OGFOD2: variants seen among roughly 807,000 people sequenced by gnomAD.
OGFOD2 encodes the protein 2-oxoglutarate and iron-dependent oxygenase domain-containing protein 2.
A neutral mutation model predicts 31.1 loss-of-function variants in OGFOD2; 34 were observed. The ratio of observed to expected loss-of-function variants is 1.09; its 90% confidence interval spans 0.83 to 1.45. The LOEUF (loss-of-function observed/expected upper bound fraction) is 1.45, where lower values mean the gene tolerates loss of function less well. Among genes scored for constraint, OGFOD2 ranks in the 40% most tolerant of loss-of-function variants. The probability of loss-of-function intolerance (pLI) is 0.00; values close to 1 mark genes in which losing one functional copy is unlikely to be tolerated. For missense variants in OGFOD2, 537 were observed against 433.9 expected, an observed-to-expected ratio of 1.24 and a Z score of -2.11; for synonymous variants, 240 against 192.3, an observed-to-expected ratio of 1.25 and a Z score of -2.05.
exon 7 of OGFOD2, chr12:122,979,502 C>G (rs1184898906): frequency 2.1e-6 from 2 of 966,230 alleles, no homozygotes; most frequent in African/African-American, 3.3e-5. Flanking sequence ...TGCCTTAGTT[C>G]AGGTTTGTCA....
upstream of OGFOD2, chr12:122,975,161 G>A (rs1289181643): frequency 2.3e-5 from 11 of 488,256 alleles, no homozygotes; most frequent in Admixed American, 3.5e-5. Context: ...AACTTAGAGC[G>A]GCCCCTTGGC....
chr12:122,977,157 C>A, intron 4 of OGFOD2, 187 bp downstream of exon 4: 1 of 657,756 alleles, frequency 1.5e-6, no homozygotes. Flanking sequence ...CAATACCTGC[C>A]ATGAGCCTGG....
intron 4 of OGFOD2, chr12:122,978,127 G>A (rs942604899): frequency 8.2e-6 from 2 of 243,762 alleles, no homozygotes; most frequent in Non-Finnish European, 1.7e-5. Flanking sequence ...CTGTGATCCC[G>A]ACTTGGCTGT....
intron 4 of OGFOD2, 131 bp from the exon 5 acceptor site, chr12:122,978,309 TAA>T: frequency 8.9e-7 from 1 of 1,127,722 alleles, no homozygotes; most frequent in South Asian, 1.5e-5. Flanking sequence ...GTTACTTCCT[TAA>T]GTCATCACAA....
exon 1 of OGFOD2, chr12:122,975,280 T>C: frequency 1.4e-6 from 1 of 693,228 alleles, no homozygotes; most frequent in Non-Finnish European, 2.6e-6. Context: ...CCGCGGCACT[T>C]CTGCCGCTGC....
chr12:122,979,154 C>G (rs1294290280), exon 7 of OGFOD2: 1 of 1,609,842 alleles, frequency 6.2e-7, no homozygotes, highest in East Asian at 2.2e-5. Flanking sequence ...ACCGTGGCGG[C>G]CAGCTGCATG....
chr12:122,979,235 C>T (rs1381871786), exon 7 of OGFOD2: 16 of 1,612,872 alleles, frequency 9.9e-6, no homozygotes, highest in Non-Finnish European at 1.3e-5. Flanking sequence ...CTGTGCGCAA[C>T]AGCCTCTGTC....
At position 122,976,694 on chromosome 12, in the gene OGFOD2, A is replaced by G. The variant is rs762218690; in HGVS notation, c.230A>G (p.Glu77Gly). ...GAGCGGCGGCAGCGGCTGGGGCAGG[A>G]GTCAGCAGCTAGGAAAGCCCTCATC... is the stretch of plus-strand genomic sequence containing the variant. Residue 77 changes from glutamate to glycine, a missense_variant, in exon 3 of 7, where the codon GAG becomes GGG. Glu to Gly is a moderately conservative substitution (Grantham distance 98). Transcript: ENST00000228922. 2.5e-6 allele frequency: 4 copies of G among 1,613,502 alleles called. No homozygotes were observed. In the Admixed American group the frequency reaches 6.7e-5, roughly 27 times the overall value.
At chr12:122,978,258 A>C (rs1269115998) in intron 4 of OGFOD2, 184 bp from the exon 5 acceptor site, 19 of 668,594 alleles carry the variant, frequency 2.8e-5, no homozygotes, top group Non-Finnish European at 4.2e-5. Flanking sequence ...GGTTCCGGGC[A>C]TAAGTGGGGG....
upstream of OGFOD2, chr12:122,975,099 T>G (rs531825907): frequency 4.0e-6 from 2 of 499,278 alleles, no homozygotes; most frequent in Non-Finnish European, 7.2e-6. Flanking sequence ...AGCATCTTTC[T>G]CCGCAGACCG....
rs374011133 is a variant in OGFOD2, at chr12:122,979,205, C to T, written c.912C>T (p.Val304=). 2.6e-5 allele frequency: 42 copies of T among 1,612,070 alleles called. No homozygotes were observed. In the Admixed American group the frequency reaches 2.7e-4, roughly 10 times the overall value. ...GCACTGGTGAGCGTTGGAACCTTGT[C>T]GTCTGGCTCCGAGCCTCTGCTGTGC... The change falls in exon 7 of 7, where the codon GTC becomes GTT. Residue 304 remains valine (V), a synonymous_variant. Coordinates refer to ENST00000228922, the Ensembl canonical transcript of OGFOD2.
At chr12:122,979,321 C>A (rs201145539) in exon 7 of OGFOD2, 3 of 1,611,350 alleles carry the variant, frequency 1.9e-6, no homozygotes, top group Admixed American at 1.7e-5. Context: ...GAGCCCGCCA[C>A]GGTGGATGTA....
At chr12:122,976,758 C>G (rs762324429) in exon 3 of OGFOD2, 1 of 1,613,110 alleles carries the variant, frequency 6.2e-7, no homozygotes. Context: ...AGGTCTACGA[C>G]TCACTGCAGG....
upstream of OGFOD2, chr12:122,975,156 A>G: frequency 2.0e-6 from 1 of 495,614 alleles, no homozygotes; most frequent in African/African-American, 1.9e-5. Flanking sequence ...TTGGGAACTT[A>G]GAGCGGCCCC....
exon 1 of OGFOD2, chr12:122,975,382 C>A (rs1292327475): frequency 7.2e-6 from 5 of 698,586 alleles, no homozygotes; most frequent in Non-Finnish European, 1.3e-5. Context: ...GACTACGGCC[C>A]GGTGAGTGGC....
chr12:122,978,765 G>C, exon 6 of OGFOD2: 1 of 1,608,018 alleles, frequency 6.2e-7, no homozygotes. Context: ...GCTGCTGCAC[G>C]AGCTCGGGCT....
At chr12:122,978,699 G>A (rs2037507968) in intron 5 of OGFOD2, 54 bp from the exon 6 acceptor site, 3 of 1,588,220 alleles carry the variant, frequency 1.9e-6, no homozygotes, top group African/African-American at 1.3e-5. Flanking sequence ...TGGAGTGGAA[G>A]CCCAGGGTTG....
At position 122,978,898 on chromosome 12, in the gene OGFOD2, C is replaced by CG. The variant is rs780408081; in HGVS notation, c.680dup (p.Gln228ProfsTer10). ...CGGGCCTTTGTGGTCAAATACGCAC[C>CG]GGGCCAGGACCTGGAGCTGGGCTGC... is the stretch of plus-strand genomic sequence containing the variant. On this transcript the variant is annotated frameshift_variant, in exon 6 of 7. Coordinates refer to ENST00000228922, the Ensembl canonical transcript of OGFOD2. LOFTEE classifies it high-confidence loss of function. The CG allele has an allele frequency of 6.2e-7, 1 of 1,612,862 alleles. No homozygotes were observed. The highest frequency in any genetic ancestry group is 1.7e-5 in the Admixed American group (1 of 59,998).
chr12:122,979,232 C>A (rs749300845), exon 7 of OGFOD2: 2 of 1,612,752 alleles, frequency 1.2e-6, no homozygotes, highest in African/African-American at 1.3e-5. Flanking sequence ...CTGCTGTGCG[C>A]AACAGCCTCT....
Sources: gnomAD v4.1 joint callset for allele counts on GRCh38, gnomAD v4.1.1 for gene constraint, MANE v1.5 for transcripts, NCBI Gene and HGNC (gene_info 2026-07-23, HGNC 2026-07-21) for gene names.